NLRP1: variants seen among roughly 807,000 people sequenced by gnomAD.
The protein encoded by NLRP1 is NLR family pyrin domain containing 1.
NLRP1 carries 94 observed loss-of-function variants against 136.7 expected under a neutral mutation model. That is an observed-to-expected ratio of 0.69 (90% confidence interval 0.58 to 0.82). NLRP1 has a LOEUF of 0.82. Among genes scored for constraint, NLRP1 ranks in the 40% least tolerant of loss-of-function variants. The pLI is 0.00. For missense variants in NLRP1, 1,575 were observed against 1,802.7 expected (o/e 0.87, Z 2.29); for synonymous variants, 690 against 725.1 (o/e 0.95, Z 0.78).
downstream of NLRP1, among the ~76,000 whole-genome samples, chr17:5,510,366 G>GT (rs1038391459): frequency 2.4e-3 from 356 of 146,214 alleles, 3 homozygotes; most frequent in East Asian, 0.015. Flanking sequence ...AAAAAAACTG[G>GT]TTTTTTTTTT....
In NLRP1 at chr17:5,533,928, T is replaced by G. The variant is rs199902470; in HGVS notation, c.3021A>C (p.Thr1007=). 18 of 1,613,002 alleles carry G rather than the reference T, an allele frequency of 1.1e-5. No individual in the cohort carries two copies. Among genetic ancestry groups the G allele is most frequent in the Non-Finnish European group, 1.2e-5 (14 of 1,179,370 alleles). The change falls in exon 9 of 17, where the codon ACA becomes ACC. Residue 1007 remains threonine (T), a synonymous_variant. Transcript: ENST00000572272. ...GLDTGEMSNS[T]SSLKRQRLGS... is the part of the protein sequence containing the mutation. The stretch of plus-strand genomic sequence containing the variant: ...CGAGTCTCTGCCGCTTGAGTGAGGA[T>G]GTGCTATTACTCATCTCTCCCGTAT...
chr17:5,502,021 G>C (rs3809845), intron 15 of NLRP1: 165,548 of 667,762 alleles, frequency 0.25, 21,938 homozygotes, highest in African/African-American at 0.4. Context: ...GCCCCGGGGT[G>C]AACCAAGGCC....
chr17:5,537,706 G>C lies in NLRP1; in HGVS notation c.2871-766C>G, dbSNP rs1911271298. Among the ~76,000 whole-genome samples the C allele has an allele frequency of 6.6e-6, 1 of 152,184 alleles. No homozygotes were observed. Among genetic ancestry groups the C allele is most frequent in the Admixed American group, 6.5e-5 (1 of 15,276 alleles). On this transcript the variant is annotated intron_variant, in intron 7 of 16. Transcript: ENST00000572272. The surrounding 1 kb of genome is among the most constrained non-coding windows in gnomAD (Gnocchi z 4.5). ...AGGAGCGCAGACCTTGAAGTAGAAG[G>C]TTATTCTTCTCAACTAAGTCCCGGC...
rs193283442 is a variant in NLRP1 at position 5,576,880 on chromosome 17, G to A, written c.652+4979C>T. ...ATCCTCAATAAAATACTGGCAAACC[G>A]AATCCAGCAGCACATCAAAAAGCTT... On this transcript the variant is annotated intron_variant, in intron 3 of 16. Transcript: ENST00000572272. Among the ~76,000 whole-genome samples, 358 of 152,166 alleles carry A rather than the reference G, an allele frequency of 2.4e-3. 1 individual carries two copies. The highest frequency in any genetic ancestry group is 9.1e-3 in the South Asian group (44 of 4,818).
intron 12 of NLRP1, among the ~76,000 whole-genome samples, chr17:5,527,995 G>A (rs531623081): frequency 6.5e-4 from 99 of 152,318 alleles, no homozygotes; most frequent in Middle Eastern, 6.8e-3. Context: ...TTGTCCCCTC[G>A]GGCCCTGGTG....
intron 13 of NLRP1, 118 bp from the exon 14 acceptor site, chr17:5,521,130 G>T: frequency 9.9e-7 from 1 of 1,009,346 alleles, no homozygotes; most frequent in Non-Finnish European, 1.4e-6. Flanking sequence ...TATCACCCCT[G>T]CCTCCCTCCC....
At chr17:5,518,949 C>T (rs1313718789) in intron 14 of NLRP1, among the ~76,000 whole-genome samples, 1 of 151,322 alleles carries the variant, frequency 6.6e-6, no homozygotes. Context: ...AGCAATTCTC[C>T]TGCCTCAGCC....
At chr17:5,513,896 A>C (rs946443389), downstream of NLRP1, among the ~76,000 whole-genome samples, 2 of 152,234 alleles carry the variant, frequency 1.3e-5, no homozygotes, top group Admixed American at 1.3e-4. Context: ...ATACATTAGC[A>C]TACTAAAAGA....
chr17:5,501,981 A>G, intron 15 of NLRP1: 1 of 962,226 alleles, frequency 1.0e-6, no homozygotes, highest in East Asian at 2.5e-5. Flanking sequence ...AACTGCCATC[A>G]GAGAACTCCC....
chr17:5,539,768 C>G lies in NLRP1; in HGVS notation c.2700-183G>C. Reference sequence around the variant, plus strand: ...GAGATTTTCACTTTCCTCTTGCAGCCACGGAACCCCTCAGGATGCCAGCAC... The same window carrying G: ...GAGATTTTCACTTTCCTCTTGCAGCGACGGAACCCCTCAGGATGCCAGCAC... On this transcript the variant is annotated intron_variant, in intron 6 of 16. Transcript: ENST00000572272. 3 of 687,212 alleles carry G rather than the reference C, an allele frequency of 4.4e-6. No homozygotes were observed. The South Asian group carries it at 1.9e-4, about 44-fold the overall frequency. The allele number at this position is 687,212 out of a possible 1,614,324, so 42.6% of individuals were successfully genotyped here. A position where few individuals can be genotyped will look rare whatever the true frequency, so the allele number is the denominator to read the frequency against.
intron 13 of NLRP1, 45 bp from the exon 14 acceptor site, chr17:5,521,057 T>C (rs1908838582): frequency 6.5e-7 from 1 of 1,539,080 alleles, no homozygotes; most frequent in Non-Finnish European, 8.8e-7. Flanking sequence ...TTCTGCCCCG[T>C]GGAATGTGGT....
At chr17:5,540,985 T>C (rs1357771136) in intron 6 of NLRP1, among the ~76,000 whole-genome samples, 1 of 152,172 alleles carries the variant, frequency 6.6e-6, no homozygotes, top group African/African-American at 2.4e-5. Context: ...TGTGTATAAC[T>C]TTGTGCATCA....
At chr17:5,573,899 C>T (rs1904706691) in intron 3 of NLRP1, among the ~76,000 whole-genome samples, 1 of 152,166 alleles carries the variant, frequency 6.6e-6, no homozygotes, top group Admixed American at 6.5e-5. Flanking sequence ...AATCAGAGCG[C>T]CTCTCCCCCT....
chr17:5,528,159 C>T (rs897611912), intron 12 of NLRP1, among the ~76,000 whole-genome samples: 3 of 152,172 alleles, frequency 2.0e-5, no homozygotes, highest in Non-Finnish European at 4.4e-5. Context: ...AGAGCTGAGC[C>T]CACTGACTCT....
intron 16 of NLRP1, 84 bp downstream of exon 16, chr17:5,515,389 C>T: frequency 8.4e-7 from 1 of 1,195,244 alleles, no homozygotes; most frequent in Non-Finnish European, 1.2e-6. Flanking sequence ...TGAGTCCCTT[C>T]CTTTCTCTCT....
Position 5,533,612 on chromosome 17 carries a change from G to T in NLRP1, c.3053-228C>A, listed in dbSNP as rs569916200. On this transcript the variant is annotated intron_variant, in intron 9 of 16. Coordinates refer to ENST00000572272, the MANE Select transcript of NLRP1 (RefSeq NM_033004.4). ...GCAAAGATGGAGATGTGATTCCCAG[G>T]CCTTAGCAGCCAAGAATGGAAGAGG... 2.0e-5 allele frequency among the ~76,000 whole-genome samples: 3 copies of T among 147,100 alleles called. No individual in the cohort carries two copies. The South Asian group carries it at 6.5e-4, about 32-fold the overall frequency.
chr17:5,542,805 C>T (rs941447462), intron 5 of NLRP1, among the ~76,000 whole-genome samples: 2 of 145,820 alleles, frequency 1.4e-5, no homozygotes, highest in African/African-American at 5.1e-5. Flanking sequence ...TTTCTCTCTC[C>T]TTCCTCCCTC....
intron 12 of NLRP1, among the ~76,000 whole-genome samples, chr17:5,525,469 T>C (rs555226606): frequency 1.3e-5 from 2 of 152,228 alleles, no homozygotes; most frequent in Non-Finnish European, 2.9e-5. Flanking sequence ...CTCCCTCCTT[T>C]AGATGCTGCC....
intron 6 of NLRP1, 153 bp from the exon 7 acceptor site, chr17:5,539,738 C>A: frequency 1.1e-6 from 1 of 935,514 alleles, no homozygotes. Flanking sequence ...CTTGCGGTAA[C>A]CTGAGAGATT....
Sources: gnomAD v4.1 joint callset for allele counts (sites outside exome capture counted in the v4.1 genomes callset) on GRCh38, gnomAD v4.1.1 for gene constraint, Gnocchi (gnomAD v3.1) non-coding constraint, MANE v1.5 for transcripts, NCBI Gene and HGNC (gene_info 2026-07-23, HGNC 2026-07-21) for gene names.